Variants in MGST1 observed in about 807,000 individuals in gnomAD.
The protein encoded by MGST1 is glutathione S-transferase 12.
A neutral mutation model predicts 8.9 loss-of-function variants in MGST1; 5 were observed. The observed-to-expected ratio is 0.56, with a 90% CI of 0.29 to 1.19. The LOEUF is 1.19. Among genes scored for constraint, MGST1 ranks in the 50% most tolerant of loss-of-function variants. MGST1 has a pLI of 0.08. For synonymous variants in MGST1, 54 were observed against 67.8 expected (o/e 0.80, Z 1.00); for missense variants, 182 against 187.4 (o/e 0.97, Z 0.17).
chr12:16,537,678 G>A lies in MGST1; in HGVS notation n.483-51850G>A, dbSNP rs1042570039. ...CTGCAGACTCAACACCATGTGAAAG[G>A]TGCCAAGGTTTGGAGTTTGCACCCT... On this transcript the variant is annotated intron_variant and non_coding_transcript_variant, in intron 4 of 4. Coordinates refer to the MGST1 transcript ENST00000538857. The surrounding 1 kb of genome is among the most constrained non-coding windows in gnomAD (Gnocchi z 4.6). Among the ~76,000 whole-genome samples, 4 of 152,274 alleles carry A rather than the reference G, an allele frequency of 2.6e-5. No individual in the cohort carries two copies. Among genetic ancestry groups the A allele is most frequent in the African/African-American group, 7.2e-5 (3 of 41,552 alleles).
intron 4 of MGST1, among the ~76,000 whole-genome samples, chr12:16,466,169 T>G (rs1355704363): frequency 6.6e-6 from 1 of 152,202 alleles, no homozygotes; most frequent in African/African-American, 2.4e-5. Flanking sequence ...ACACGTCATT[T>G]CTGATTTCTG....
At chr12:16,452,259 G>A (rs1388749643) in intron 4 of MGST1, among the ~76,000 whole-genome samples, 1 of 151,720 alleles carries the variant, frequency 6.6e-6, no homozygotes, top group Non-Finnish European at 1.5e-5. Flanking sequence ...TAACATCCCT[G>A]TGTCATATAT....
At chr12:16,406,665 G>GAAACCAAAACTT (rs1940700039) in intron 1 of MGST1, among the ~76,000 whole-genome samples, 1 of 152,092 alleles carries the variant, frequency 6.6e-6, no homozygotes, top group African/African-American at 2.4e-5. Flanking sequence ...CTATACTACA[G>GAAACCAAAACTT]GGCTACAGAA....
chr12:16,428,699 G>A (rs952598726), intron 1 of MGST1, among the ~76,000 whole-genome samples: 2 of 151,940 alleles, frequency 1.3e-5, no homozygotes, highest in East Asian at 3.8e-4. Flanking sequence ...TTGTATAAAA[G>A]TATTTTATTT....
chr12:16,479,180 G>C (rs1053226231), intron 4 of MGST1, among the ~76,000 whole-genome samples: 3 of 146,060 alleles, frequency 2.1e-5, no homozygotes, highest in African/African-American at 7.5e-5. Context: ...TTTTATGCTT[G>C]ATAATATTCC....
chr12:16,448,463 G>A (rs1394045230), intron 4 of MGST1, among the ~76,000 whole-genome samples: 5 of 151,710 alleles, frequency 3.3e-5, no homozygotes, highest in South Asian at 2.1e-4. Flanking sequence ...TGATGCACAC[G>A]AGATTATCAA....
downstream of MGST1, among the ~76,000 whole-genome samples, chr12:16,380,990 G>A (rs571302745): frequency 3.3e-5 from 5 of 151,936 alleles, no homozygotes; most frequent in African/African-American, 4.8e-5. Flanking sequence ...TTTTCCATTC[G>A]CTTGGTAGCT....
intron 4 of MGST1, among the ~76,000 whole-genome samples, chr12:16,483,257 C>T (rs752492770): frequency 3.9e-5 from 6 of 152,072 alleles, no homozygotes; most frequent in Non-Finnish European, 7.4e-5. Flanking sequence ...TGATCCCTTA[C>T]TCCTCAAAAG....
intron 4 of MGST1, among the ~76,000 whole-genome samples, chr12:16,465,753 A>G (rs2137129408): frequency 6.6e-6 from 1 of 152,294 alleles, no homozygotes. Flanking sequence ...CATTTGAATC[A>G]TCCCCAAATT....
In MGST1 at chr12:16,582,890, T is replaced by TA. The variant is rs1943205038; in HGVS notation, n.483-6631dup. On this transcript the variant is annotated intron_variant and non_coding_transcript_variant, in intron 4 of 4. Transcript: ENST00000538857. This position sits in a 1 kb window ranked among gnomAD's most constrained non-coding sequence, Gnocchi z 4.1. ...TGGCGAAACCCCGTCTCTACTAAAA[T>TA]AAAAAAATTAGCCGGGAGTGGTGGC... Among the ~76,000 whole-genome samples the TA allele has an allele frequency of 1.3e-5, 2 of 151,502 alleles. No homozygotes were observed. Among genetic ancestry groups the TA allele is most frequent in the South Asian group, 4.2e-4 (2 of 4,798 alleles).
chr12:16,577,362 T>C (rs2137502898), intron 4 of MGST1, among the ~76,000 whole-genome samples: 1 of 152,310 alleles, frequency 6.6e-6, no homozygotes, highest in Admixed American at 6.5e-5. Flanking sequence ...GCCTCCTAAA[T>C]AAGCTGAGTT....
At chr12:16,471,778 A>G (rs1031848256) in intron 4 of MGST1, among the ~76,000 whole-genome samples, 3 of 152,222 alleles carry the variant, frequency 2.0e-5, no homozygotes, top group Non-Finnish European at 2.9e-5. Flanking sequence ...TAGGCCTACA[A>G]ATTTTTATCT....
At chr12:16,386,158 A>G (rs1232945632) in intron 1 of MGST1, among the ~76,000 whole-genome samples, 2 of 152,192 alleles carry the variant, frequency 1.3e-5, no homozygotes, top group Non-Finnish European at 2.9e-5. Context: ...ACCAGTCCAA[A>G]GTATCCAAGC....
At chr12:16,349,601 T>C (rs1939363348) in intron 1 of MGST1, among the ~76,000 whole-genome samples, 1 of 152,184 alleles carries the variant, frequency 6.6e-6, no homozygotes, top group African/African-American at 2.4e-5. Context: ...TTATTTGCTC[T>C]ACCTCAGGAT....
At chr12:16,357,728 C>T (rs768923861) in intron 3 of MGST1, 29 bp downstream of exon 3, 27 of 1,581,660 alleles carry the variant, frequency 1.7e-5, no homozygotes, top group Non-Finnish European at 2.3e-5. Context: ...AAATTACTTA[C>T]TTTATGAAAC....
chr12:16,515,214 CA>C (rs1941604259), intron 4 of MGST1, among the ~76,000 whole-genome samples: 1 of 152,154 alleles, frequency 6.6e-6, no homozygotes, highest in African/African-American at 2.4e-5. Flanking sequence ...AGATTCCTGT[CA>C]TATTTAAGAA....
chr12:16,400,533 A>C, intron 1 of MGST1: 1 of 856,202 alleles, frequency 1.2e-6, no homozygotes, highest in Non-Finnish European at 2.0e-6. Flanking sequence ...CTCAAGTTTT[A>C]TAACGTTTCT....
chr12:16,439,681 C>G (rs571176844), downstream of MGST1, among the ~76,000 whole-genome samples: 1 of 151,816 alleles, frequency 6.6e-6, no homozygotes, highest in Non-Finnish European at 1.5e-5. Flanking sequence ...AAAGAACTCT[C>G]CAAGCTGATT....
intron 1 of MGST1, among the ~76,000 whole-genome samples, chr12:16,414,240 C>A (rs944832865): frequency 2.6e-5 from 4 of 151,498 alleles, no homozygotes; most frequent in African/African-American, 7.3e-5. Context: ...GATTTTCTAG[C>A]CTAAAAATGT....
Sources: gnomAD v4.1 joint callset for allele counts (sites outside exome capture counted in the v4.1 genomes callset) on GRCh38, gnomAD v4.1.1 for gene constraint, Gnocchi (gnomAD v3.1) non-coding constraint, MANE v1.5 for transcripts, NCBI Gene and HGNC (gene_info 2026-07-23, HGNC 2026-07-21) for gene names.